MAT2B: variants seen among roughly 807,000 people sequenced by gnomAD.
MAT2B encodes the protein methionine adenosyltransferase 2 non-catalytic beta subunit, also known as methionine adenosyltransferase 2 subunit beta.
MAT2B carries 16 observed loss-of-function variants against 36.1 expected under a neutral mutation model. The ratio of observed to expected loss-of-function variants is 0.44; its 90% confidence interval spans 0.30 to 0.67. The LOEUF (loss-of-function observed/expected upper bound fraction) is 0.67. Among genes scored for constraint, MAT2B ranks in the 30% least tolerant of loss-of-function variants. The pLI, the probability that MAT2B is intolerant of heterozygous loss-of-function variation, is 0.09. For missense variants in MAT2B, 332 were observed against 398.2 expected (o/e 0.83, Z 1.42); for synonymous variants, 148 against 136.9 (o/e 1.08, Z -0.57).
chr5:163,507,583 T>C (rs1390774793), intron 1 of MAT2B, among the ~76,000 whole-genome samples: 1 of 152,256 alleles, frequency 6.6e-6, no homozygotes, highest in African/African-American at 2.4e-5. Flanking sequence ...CAACTCTTTA[T>C]TGTGCCTTGA....
Position 163,516,706 on chromosome 5 carries a change from A to C in MAT2B, c.715A>C (p.Met239Leu), listed in dbSNP as rs1044038998. Reference protein sequence around the residue: ...TVCRQLAEKRMLDPSIKGTFH... With the variant: ...TVCRQLAEKRLLDPSIKGTFH... ...GTGCCGGCAGCTAGCAGAGAAGAGAATGCTGGTAAGAAGGATTCCTGAGTC... is the reference window on the plus strand; with the variant it reads ...GTGCCGGCAGCTAGCAGAGAAGAGACTGCTGGTAAGAAGGATTCCTGAGTC... Residue 239 changes from methionine to leucine, a missense_variant, in exon 5 of 7, where the codon ATG becomes CTG. Coordinates refer to ENST00000321757, the MANE Select transcript of MAT2B (RefSeq NM_013283.5). 8.7e-6 allele frequency: 14 copies of C among 1,614,014 alleles called. No homozygotes were observed. Among genetic ancestry groups the C allele is most frequent in the Admixed American group, 1.7e-5 (1 of 59,998 alleles).
At position 163,519,041 on chromosome 5, in the gene MAT2B, C is replaced by T. The variant is rs1037338578; in HGVS notation, c.*678C>T. 1 of 152,192 alleles carries T rather than the reference C, an allele frequency of 6.6e-6. No homozygotes were observed. The highest frequency in any genetic ancestry group is 2.4e-5 in the African/African-American group (1 of 41,366). The allele number at this position is 152,192 out of a possible 1,614,324, so 9.4% of individuals were successfully genotyped here. Reference sequence around the variant, plus strand: ...AAATATATAACTGTCCTTTTCATCCCATGTTGCCGCTAAGTGATATTTCAT... The same window carrying T: ...AAATATATAACTGTCCTTTTCATCCTATGTTGCCGCTAAGTGATATTTCAT... On this transcript the variant is annotated 3_prime_UTR_variant, in exon 7 of 7. Transcript: ENST00000321757.
chr5:163,508,651 C>T (rs1759986709), intron 1 of MAT2B, among the ~76,000 whole-genome samples: 1 of 151,424 alleles, frequency 6.6e-6, no homozygotes, highest in Admixed American at 6.6e-5. Flanking sequence ...AAGTCTAGCT[C>T]GTGTCCCCCA....
At chr5:163,515,777 T>C (rs1374277434) in intron 4 of MAT2B, among the ~76,000 whole-genome samples, 1 of 131,418 alleles carries the variant, frequency 7.6e-6, no homozygotes, top group Non-Finnish European at 1.6e-5. Flanking sequence ...TTTCTTTTTT[T>C]TTTTTTTTTT....
chr5:163,515,468 A>G (rs1341649878), intron 4 of MAT2B, among the ~76,000 whole-genome samples: 2 of 152,158 alleles, frequency 1.3e-5, no homozygotes, highest in Non-Finnish European at 1.5e-5. Flanking sequence ...CCTTTCTTTT[A>G]TCTTCTAACA....
At chr5:163,507,900 G>A (rs751250610) in intron 1 of MAT2B, among the ~76,000 whole-genome samples, 3 of 152,126 alleles carry the variant, frequency 2.0e-5, no homozygotes, top group African/African-American at 7.2e-5. Flanking sequence ...CTCGTGGTAG[G>A]GATAATATGG....
intron 1 of MAT2B, among the ~76,000 whole-genome samples, chr5:163,510,599 G>A (rs1384564650): frequency 6.6e-6 from 1 of 152,038 alleles, no homozygotes; most frequent in Non-Finnish European, 1.5e-5. Flanking sequence ...GTTTCACCAT[G>A]TTGGCCAGGC....
upstream of MAT2B, chr5:163,503,251 CT>C (rs1334148869): frequency 4.4e-6 from 3 of 683,512 alleles, no homozygotes; most frequent in Admixed American, 4.9e-5. Context: ...AATCAAAATG[CT>C]AATTTAAAAG....
intron 1 of MAT2B, among the ~76,000 whole-genome samples, chr5:163,510,648 T>C (rs7728548): frequency 0.84 from 127,109 of 152,032 alleles, 53,300 homozygotes; most frequent in East Asian, 0.93. Context: ...CTGCCCAGCT[T>C]GGCCTCCCAA....
At chr5:163,517,508 C>T (rs1200225670) in intron 5 of MAT2B, 53 bp from the exon 6 acceptor site, 1 of 1,079,956 alleles carries the variant, frequency 9.3e-7, no homozygotes, top group Non-Finnish European at 1.4e-6. Context: ...CAAACCTATT[C>T]TACTCAGCTC....
intron 4 of MAT2B, among the ~76,000 whole-genome samples, 165 bp from the exon 5 acceptor site, chr5:163,516,352 GA>G (rs892731980): frequency 6.6e-6 from 1 of 152,094 alleles, no homozygotes; most frequent in African/African-American, 2.4e-5. Context: ...GCCTGGCCTT[GA>G]ATATTTTTAC....
intron 2 of MAT2B, 35 bp downstream of exon 2, chr5:163,512,231 A>G: frequency 6.6e-7 from 1 of 1,511,186 alleles, no homozygotes; most frequent in Non-Finnish European, 9.2e-7. Context: ...ATACATGAAC[A>G]ATATTAAGAG....
chr5:163,510,832 T>G (rs1269248854), intron 1 of MAT2B, among the ~76,000 whole-genome samples: 1 of 152,210 alleles, frequency 6.6e-6, no homozygotes, highest in Non-Finnish European at 1.5e-5. Flanking sequence ...GAAATGTTGA[T>G]TAATTCTCTA....
intron 3 of MAT2B, 32 bp downstream of exon 3, chr5:163,513,701 T>C: frequency 6.4e-7 from 1 of 1,564,894 alleles, no homozygotes; most frequent in East Asian, 2.2e-5. Flanking sequence ...TTTCATAAAA[T>C]ATTAAGTGAT....
intron 3 of MAT2B, 81 bp from the exon 4 acceptor site, chr5:163,513,761 A>G: frequency 1.3e-6 from 2 of 1,498,730 alleles, no homozygotes; most frequent in South Asian, 1.2e-5. Context: ...TTGTTTTTAT[A>G]TATCATGAAA....
intron 4 of MAT2B, among the ~76,000 whole-genome samples, chr5:163,515,510 G>A (rs1273606100): frequency 2.0e-5 from 3 of 152,092 alleles, no homozygotes; most frequent in Admixed American, 1.3e-4. Context: ...TTACAGTGCA[G>A]TTATCATACA....
chr5:163,513,049 G>A (rs561437152), intron 2 of MAT2B: 12 of 176,738 alleles, frequency 6.8e-5, no homozygotes, highest in African/African-American at 2.6e-4. Context: ...ACGGTAGATC[G>A]ATCACAGCCC....
intron 2 of MAT2B, 67 bp from the exon 3 acceptor site, chr5:163,513,488 T>G (rs1340365369): frequency 1.2e-6 from 1 of 845,906 alleles, no homozygotes. Context: ...TGAATTAACT[T>G]TAAGAAGGCT....
rs1392351328 is a variant in MAT2B, at chr5:163,516,504, T to C, written c.527-14T>C. On this transcript the variant is annotated splice_polypyrimidine_tract_variant and intron_variant, in intron 4 of 6. Coordinates refer to ENST00000321757, the MANE Select transcript of MAT2B (RefSeq NM_013283.5). The stretch of plus-strand genomic sequence containing the variant: ...TCAGTCAGCTTTAAATTATTTGCTT[T>C]TATTCTTCTCTAGGAGCTGCTGTTT... The C allele has an allele frequency of 1.1e-5, 17 of 1,609,378 alleles. No individual in the cohort carries two copies. Among genetic ancestry groups the C allele is most frequent in the Non-Finnish European group, 1.4e-5 (17 of 1,176,196 alleles).
Sources: allele counts gnomAD v4.1 joint callset (sites outside exome capture counted in the v4.1 genomes callset), GRCh38; gene constraint gnomAD v4.1.1; transcripts MANE v1.5; gene names NCBI Gene and HGNC (gene_info 2026-07-23, HGNC 2026-07-21).